TFAP2D: variants seen among roughly 807,000 people sequenced by gnomAD.
TFAP2D encodes the protein transcription factor AP-2 delta, also known as transcription factor AP-2-delta.
Under a neutral mutation model 43.6 loss-of-function variants are expected in TFAP2D, and 9 were observed. The observed-to-expected ratio is 0.21, with a 90% confidence interval of 0.12 to 0.36. TFAP2D has a LOEUF of 0.36. TFAP2D is among the 10% of genes least tolerant of loss of function. TFAP2D has a pLI of 1.00. For synonymous variants in TFAP2D, 256 were observed against 224.9 expected, an observed-to-expected ratio of 1.14 and a Z score of -1.24; for missense variants, 513 against 561.4, an observed-to-expected ratio of 0.91 and a Z score of 0.87.
Position 50,713,688 on chromosome 6 carries a change from C to T in TFAP2D, c.-368C>T. ...ATTAGGCGAAGATACAATATTTATT[C>T]CTTGTCTCCTGGGATAAATCTCTTC... On this transcript the variant is annotated 5_prime_UTR_variant, in exon 1 of 8. Coordinates refer to ENST00000008391, the MANE Select transcript of TFAP2D (RefSeq NM_172238.4). The T allele has an allele frequency of 3.4e-6, 1 of 293,130 alleles. No individual in the cohort carries two copies. Among genetic ancestry groups the T allele is most frequent in the Non-Finnish European group, 6.3e-6 (1 of 158,592 alleles). The allele number at this position is 293,130 out of a possible 1,614,324, so 18.2% of individuals were successfully genotyped here.
intron 7 of TFAP2D, among the ~76,000 whole-genome samples, chr6:50,757,495 T>TAATTATTCTATATATATAGAATAC (rs1769293078): frequency 1.3e-5 from 1 of 77,600 alleles, no homozygotes; most frequent in Non-Finnish European, 2.2e-5. Flanking sequence ...ATATATAATA[T>TAATTATTCTATATATATAGAATAC]ATATAATTAT....
chr6:50,716,338 G>A (rs1561930075), intron 2 of TFAP2D, among the ~76,000 whole-genome samples: 2 of 152,088 alleles, frequency 1.3e-5, no homozygotes, highest in Non-Finnish European at 2.9e-5. Context: ...TAATTTACAA[G>A]TTTATTTTTG....
At position 50,745,315 on chromosome 6, in the gene TFAP2D, T is replaced by C. The variant is rs1457559805; in HGVS notation, c.1025+67T>C. The stretch of plus-strand genomic sequence containing the variant: ...TATTTTTTTTTCATTTTCTTTGAAA[T>C]GAGGAAAACAGTCTAGAAGGCACCC... On this transcript the variant is annotated intron_variant, in intron 6 of 7. Coordinates refer to ENST00000008391, the MANE Select transcript of TFAP2D (RefSeq NM_172238.4). The C allele has an allele frequency of 2.5e-6, 4 of 1,596,794 alleles. No homozygotes were observed. In the African/African-American group the frequency reaches 5.5e-5, roughly 22 times the overall value.
intron 1 of TFAP2D, among the ~76,000 whole-genome samples, chr6:50,714,551 G>T (rs1378320751): frequency 2.6e-5 from 4 of 152,150 alleles, no homozygotes; most frequent in African/African-American, 7.2e-5. Flanking sequence ...AATGACTAAG[G>T]AAGGGAGCAA....
intron 7 of TFAP2D, among the ~76,000 whole-genome samples, chr6:50,755,315 A>C (rs2113888259): frequency 6.6e-6 from 1 of 151,998 alleles, no homozygotes; most frequent in East Asian, 1.9e-4. Flanking sequence ...TCAACAGAAT[A>C]TGTTAACAAT....
intron 2 of TFAP2D, among the ~76,000 whole-genome samples, chr6:50,715,851 C>T (rs1768617789): frequency 1.3e-5 from 2 of 151,876 alleles, no homozygotes; most frequent in South Asian, 4.1e-4. Flanking sequence ...TGGATCCAAG[C>T]ATTTCACCTG....
chr6:50,729,397 T>A (rs1768852480), intron 5 of TFAP2D, 85 bp downstream of exon 5: 1 of 1,178,816 alleles, frequency 8.5e-7, no homozygotes, highest in Non-Finnish European at 1.2e-6. Flanking sequence ...CTGTTTTATT[T>A]TTGTCTGTAC....
At chr6:50,719,893 G>A (rs1340278345) in intron 3 of TFAP2D, among the ~76,000 whole-genome samples, 1 of 152,132 alleles carries the variant, frequency 6.6e-6, no homozygotes, top group African/African-American at 2.4e-5. Flanking sequence ...TTCAGCTCGG[G>A]CACTAAAGGG....
intron 5 of TFAP2D, among the ~76,000 whole-genome samples, chr6:50,744,705 T>G (rs942773990): frequency 4.6e-5 from 7 of 152,172 alleles, no homozygotes; most frequent in African/African-American, 1.7e-4. Flanking sequence ...TCTGAATAGT[T>G]TAGACACACT....
intron 5 of TFAP2D, among the ~76,000 whole-genome samples, chr6:50,740,983 GAATTCTCTAA>G (rs1769035399): frequency 6.6e-6 from 1 of 151,986 alleles, no homozygotes; most frequent in African/African-American, 2.4e-5. Flanking sequence ...GTGGAAAAAT[GAATTCTCTAA>G]AATCAACGAG....
intron 5 of TFAP2D, among the ~76,000 whole-genome samples, chr6:50,731,508 A>G (rs192804293): frequency 1.3e-5 from 2 of 152,122 alleles, no homozygotes; most frequent in East Asian, 3.9e-4. Flanking sequence ...ATATTCTCTG[A>G]CATTTTAATT....
At chr6:50,760,105 T>C (rs1212555259) in intron 7 of TFAP2D, among the ~76,000 whole-genome samples, 1 of 152,008 alleles carries the variant, frequency 6.6e-6, no homozygotes. Flanking sequence ...GAACCCTTTT[T>C]GAAAGGAGGT....
chr6:50,743,186 G>T (rs1032209508), intron 5 of TFAP2D, among the ~76,000 whole-genome samples: 2 of 152,064 alleles, frequency 1.3e-5, no homozygotes, highest in Admixed American at 1.3e-4. Flanking sequence ...AACTAAAGAC[G>T]TGCCATTGCT....
chr6:50,766,481 A>G (rs76183282), intron 7 of TFAP2D, among the ~76,000 whole-genome samples: 5,821 of 151,972 alleles, frequency 0.038, 373 homozygotes, highest in African/African-American at 0.13. Context: ...AATGCTTCCA[A>G]TCCATGAACA....
intron 7 of TFAP2D, among the ~76,000 whole-genome samples, chr6:50,768,482 A>T (rs780460633): frequency 6.6e-6 from 1 of 151,860 alleles, no homozygotes; most frequent in Non-Finnish European, 1.5e-5. Context: ...TACAGGCATG[A>T]GCCACTGAAC....
At chr6:50,766,791 C>A (rs1471661193) in intron 7 of TFAP2D, among the ~76,000 whole-genome samples, 1 of 150,854 alleles carries the variant, frequency 6.6e-6, no homozygotes, top group East Asian at 2.0e-4. Context: ...GCCTCAGCCT[C>A]CCGAGTAGCT....
intron 6 of TFAP2D, among the ~76,000 whole-genome samples, chr6:50,746,187 A>G (rs1278758691): frequency 6.6e-6 from 1 of 152,040 alleles, no homozygotes; most frequent in Non-Finnish European, 1.5e-5. Flanking sequence ...AGCTGGTTAA[A>G]CTGTCATTTA....
intron 5 of TFAP2D, among the ~76,000 whole-genome samples, chr6:50,737,119 C>A (rs534470781): frequency 6.6e-6 from 1 of 152,050 alleles, no homozygotes; most frequent in South Asian, 2.1e-4. Flanking sequence ...TAGCTGAGAC[C>A]ACAGACACAT....
chr6:50,752,048 C>T (rs1273470076), intron 7 of TFAP2D, among the ~76,000 whole-genome samples: 2 of 151,870 alleles, frequency 1.3e-5, no homozygotes, highest in South Asian at 2.1e-4. Flanking sequence ...CAGAAATTAA[C>T]AGGATATCAC....
Sources: allele counts gnomAD v4.1 joint callset (sites outside exome capture counted in the v4.1 genomes callset), GRCh38; gene constraint gnomAD v4.1.1; transcripts MANE v1.5; gene names NCBI Gene and HGNC (gene_info 2026-07-23, HGNC 2026-07-21).